Variants in RSPO4 observed in about 807,000 individuals in gnomAD.
RSPO4 encodes R-spondin 4.
A neutral mutation model predicts 24.8 loss-of-function variants in RSPO4; 23 were observed. The observed-to-expected ratio is 0.93, with a 90% CI of 0.67 to 1.31. The LOEUF is 1.31. RSPO4 is among the 40% of genes most tolerant of loss of function. The pLI is 0.00. For synonymous variants in RSPO4, 141 were observed against 127.4 expected (o/e 1.11, Z -0.72); for missense variants, 333 against 316.5 (o/e 1.05, Z -0.39).
intron 1 of RSPO4, among the ~76,000 whole-genome samples, chr20:997,251 AG>A (rs376493502): frequency 1.3e-5 from 2 of 152,094 alleles, no homozygotes; most frequent in Admixed American, 6.5e-5. Flanking sequence ...GTGGCTGGGC[AG>A]GGGGGTTGGA....
intron 1 of RSPO4, among the ~76,000 whole-genome samples, chr20:974,879 A>C (rs759435489): frequency 6.6e-6 from 1 of 152,114 alleles, no homozygotes; most frequent in Non-Finnish European, 1.5e-5. Context: ...GGTCACATTG[A>C]GTTAGGTTTT....
intron 1 of RSPO4, among the ~76,000 whole-genome samples, chr20:998,277 C>T (rs1171132585): frequency 1.3e-5 from 2 of 152,152 alleles, no homozygotes; most frequent in Non-Finnish European, 1.5e-5. Flanking sequence ...GCATCTCCTC[C>T]TTGCCCAAAT....
rs1444501307 is a variant in RSPO4, at chr20:960,284, AGAG to A, written c.*70_*72del. On this transcript the variant is annotated 3_prime_UTR_variant, in exon 5 of 5. Coordinates refer to ENST00000217260, the MANE Select transcript of RSPO4 (RefSeq NM_001029871.4). ...AAGACAGAGGAGAAAGAGTAAGAGG[AGAG>A]GAGGAGAAGGAGCAGGAGGAGGTGT... is the stretch of plus-strand genomic sequence containing the variant. The A allele has an allele frequency of 1.3e-5, 12 of 889,958 alleles. No individual in the cohort carries two copies. Among genetic ancestry groups the A allele is most frequent in the African/African-American group, 4.9e-5 (3 of 60,652 alleles). 55.1% of individuals were successfully genotyped at this position (889,958 alleles called of 1,614,324 possible). A position where few individuals can be genotyped will look rare whatever the true frequency, so the allele number is the denominator to read the frequency against.
chr20:964,793 T>TACACACAC (rs1320914818), intron 3 of RSPO4, among the ~76,000 whole-genome samples: 17 of 104,048 alleles, frequency 1.6e-4, no homozygotes, highest in Admixed American at 8.9e-4. Flanking sequence ...TATATACACA[T>TACACACAC]ATATACACAC....
chr20:960,119 G>A lies in RSPO4; in HGVS notation c.*238C>T, dbSNP rs897917166. On this transcript the variant is annotated 3_prime_UTR_variant, in exon 5 of 5. Transcript: ENST00000217260. ...GATAAAAGATAAGTGAGAAAGAAGA[G>A]GAAGGAAGGGAAGGAGGGAGGGAGA... 6 of 578,110 alleles carry A rather than the reference G, an allele frequency of 1.0e-5. No individual in the cohort carries two copies. The highest frequency in any genetic ancestry group is 7.5e-5 in the African/African-American group (4 of 52,982). 35.8% of individuals were successfully genotyped at this position (578,110 alleles called of 1,614,324 possible).
rs1174368722 is a variant in RSPO4 at position 991,632 on chromosome 20, A to G, written c.79+10454T>C. Among the ~76,000 whole-genome samples the G allele has an allele frequency of 2.6e-5, 4 of 152,208 alleles. No homozygotes were observed. The East Asian group carries it at 7.7e-4, about 29-fold the overall frequency. On this transcript the variant is annotated intron_variant, in intron 1 of 4. Transcript: ENST00000217260. ...ATTAAAACAAATTTAAACAGTTAAA[A>G]TAACATTCAAAAACGAAATTAAGTA...
intron 4 of RSPO4, among the ~76,000 whole-genome samples, chr20:963,195 G>A (rs773495521): frequency 1.7e-4 from 26 of 152,164 alleles, no homozygotes; most frequent in Non-Finnish European, 3.8e-4. Context: ...ACAGTCCCCC[G>A]CAAAGACGAG....
intron 1 of RSPO4, among the ~76,000 whole-genome samples, chr20:996,837 T>G (rs560876721): frequency 3.1e-4 from 46 of 148,732 alleles, no homozygotes; most frequent in Non-Finnish European, 5.2e-4. Flanking sequence ...ACGCAGTCCC[T>G]TGTCCCCTCC....
intron 1 of RSPO4, among the ~76,000 whole-genome samples, chr20:976,498 A>G (rs1600093908): frequency 6.6e-6 from 1 of 152,148 alleles, no homozygotes; most frequent in African/African-American, 2.4e-5. Context: ...GTTCACCCAC[A>G]TCCTGAGAAC....
chr20:975,147 G>A (rs968639119), intron 1 of RSPO4, among the ~76,000 whole-genome samples: 7 of 152,160 alleles, frequency 4.6e-5, no homozygotes, highest in African/African-American at 7.2e-5. Flanking sequence ...AACAGATCAC[G>A]GTGGAGCAGC....
intron 1 of RSPO4, among the ~76,000 whole-genome samples, chr20:994,939 G>A (rs986845803): frequency 6.6e-6 from 1 of 152,196 alleles, no homozygotes; most frequent in Non-Finnish European, 1.5e-5. Context: ...AGTCACGCGG[G>A]GGGAAACTGA....
At chr20:974,215 T>C (rs771884035) in intron 1 of RSPO4, among the ~76,000 whole-genome samples, 8 of 152,206 alleles carry the variant, frequency 5.3e-5, no homozygotes, top group Non-Finnish European at 1.2e-4. Context: ...AAGTCCAAAA[T>C]AAATGTAACA....
intron 1 of RSPO4, among the ~76,000 whole-genome samples, chr20:985,797 C>T (rs1013834283): frequency 9.2e-5 from 14 of 152,184 alleles, no homozygotes; most frequent in South Asian, 2.1e-4. Context: ...GGGTAGGGCA[C>T]GGCATGCCCC....
rs929363379 is a variant in RSPO4, at chr20:981,457, G to A, written c.80-13319C>T. ...TGAGAAACGCTTGAATCCAGGATGC[G>A]GAGGTTGCATGAGCCAAGATTGCAC... On this transcript the variant is annotated intron_variant, in intron 1 of 4. Coordinates refer to ENST00000217260, the MANE Select transcript of RSPO4 (RefSeq NM_001029871.4). The surrounding 1 kb of genome is among the most constrained non-coding windows in gnomAD (Gnocchi z 4.6). 2.6e-5 allele frequency among the ~76,000 whole-genome samples: 4 copies of A among 152,190 alleles called. No individual in the cohort carries two copies. Among genetic ancestry groups the A allele is most frequent in the Non-Finnish European group, 4.4e-5 (3 of 68,048 alleles).
chr20:966,268 G>T (rs1984192736), intron 3 of RSPO4, among the ~76,000 whole-genome samples: 1 of 152,146 alleles, frequency 6.6e-6, no homozygotes, highest in Non-Finnish European at 1.5e-5. Flanking sequence ...GAACGGGAGG[G>T]CTCACAGGCA....
chr20:992,263 C>CTTTTTT lies in RSPO4; in HGVS notation c.79+9817_79+9822dup, dbSNP rs35286852. On this transcript the variant is annotated intron_variant, in intron 1 of 4. Transcript: ENST00000217260. ...ACTGCTGTCCTCTGAGGTCCACTTT[C>CTTTTTT]TTTTTTTTTTTTTTTTTTTTGAGAC... 1.1e-4 allele frequency among the ~76,000 whole-genome samples: 13 copies of CTTTTTT among 123,470 alleles called. 1 individual carries two copies. Among genetic ancestry groups the CTTTTTT allele is most frequent in the East Asian group, 4.8e-4 (2 of 4,182 alleles). 81.0% of individuals were successfully genotyped at this position (123,470 alleles called of 152,430 possible). A position where few individuals can be genotyped will look rare whatever the true frequency, so the allele number is the denominator to read the frequency against.
chr20:1,001,791 C>G (rs965706986), intron 1 of RSPO4, among the ~76,000 whole-genome samples: 4 of 152,176 alleles, frequency 2.6e-5, no homozygotes, highest in African/African-American at 9.7e-5. Context: ...AGTCTTCTGT[C>G]TCTGCACGAA....
intron 4 of RSPO4, 24 bp downstream of exon 4, chr20:963,911 T>C: frequency 6.2e-7 from 1 of 1,612,188 alleles, no homozygotes; most frequent in Non-Finnish European, 8.5e-7. Flanking sequence ...CACCGCAGCC[T>C]CGTGTGCCTG....
At position 958,574 on chromosome 20, in the gene RSPO4, G is replaced by T. The variant is rs562367020; in HGVS notation, c.*1783C>A. The T allele has an allele frequency of 6.6e-6, 1 of 152,078 alleles. No homozygotes were observed. The highest frequency in any genetic ancestry group is 1.9e-4 in the East Asian group (1 of 5,162). 9.4% of individuals were successfully genotyped at this position (152,078 alleles called of 1,614,324 possible). ...AGAAGAGAAGCTGGTGGCCTGGCCA[G>T]GCGGAGGAGGGGGCTCTAGCTGTTC... is the stretch of plus-strand genomic sequence containing the variant. On this transcript the variant is annotated 3_prime_UTR_variant, in exon 5 of 5. Coordinates refer to ENST00000217260, the MANE Select transcript of RSPO4 (RefSeq NM_001029871.4).
Sources: allele counts gnomAD v4.1 joint callset (sites outside exome capture counted in the v4.1 genomes callset), GRCh38; gene constraint gnomAD v4.1.1; non-coding constraint Gnocchi (gnomAD v3.1); transcripts MANE v1.5; gene names NCBI Gene and HGNC (gene_info 2026-07-23, HGNC 2026-07-21).